The following SLC36A1 variants were observed in gnomAD, a reference collection of about 807,000 sequenced individuals.
The protein encoded by SLC36A1 is proton-coupled amino acid transporter 1.
A neutral mutation model predicts 47.5 loss-of-function variants in SLC36A1; 30 were observed. That is an observed-to-expected ratio of 0.63 (90% CI 0.47 to 0.86). The LOEUF (loss-of-function observed/expected upper bound fraction) is 0.86. Among genes scored for constraint, SLC36A1 ranks in the 40% least tolerant of loss-of-function variants. The probability of loss-of-function intolerance (pLI) is 0.00; values close to 1 mark genes in which losing one functional copy is unlikely to be tolerated. For synonymous variants in SLC36A1, 255 were observed against 249.7 expected (o/e 1.02, Z -0.20); for missense variants, 517 against 606.0 (o/e 0.85, Z 1.54).
At chr5:151,470,809 C>G (rs1449028636) in intron 7 of SLC36A1, 1 of 152,122 alleles carries the variant, frequency 6.6e-6, no homozygotes, top group Non-Finnish European at 1.5e-5. Context: ...TCCTCTTGCC[C>G]CTCATGCACG....
intron 8 of SLC36A1, among the ~76,000 whole-genome samples, chr5:151,474,255 A>G (rs903342652): frequency 1.3e-5 from 2 of 151,896 alleles, no homozygotes; most frequent in African/African-American, 4.8e-5. Context: ...CCCAGCTTCA[A>G]CTTTTCAAGA....
the SLC36A1 span, chr5:151,540,554 G>T: frequency 1.1e-5 from 17 of 1,593,886 alleles, no homozygotes; most frequent in African/African-American, 1.3e-5. Flanking sequence ...TCCACCCCTC[G>T]CCAGGCTCTC....
At chr5:151,460,872 C>T (rs888901988) in intron 2 of SLC36A1, among the ~76,000 whole-genome samples, 2 of 150,296 alleles carry the variant, frequency 1.3e-5, no homozygotes, top group African/African-American at 2.5e-5. Flanking sequence ...ACTTCTACAC[C>T]TACTGCACAT....
chr5:151,479,646 C>T (rs1020083012), intron 10 of SLC36A1, 157 bp downstream of exon 10: 2 of 697,520 alleles, frequency 2.9e-6, no homozygotes, highest in African/African-American at 1.8e-5. Context: ...TGAGGCACCT[C>T]CAGATGGGGA....
the SLC36A1 span, chr5:151,532,042 A>T: frequency 8.9e-6 from 14 of 1,565,088 alleles, no homozygotes; most frequent in African/African-American, 1.8e-4. Context: ...CAAACCCTGC[A>T]GCCACAGGAG....
the SLC36A1 span, among the ~76,000 whole-genome samples, chr5:151,385,009 A>AGTGTGTGTGTGTGTGT: frequency 4.3e-4 from 55 of 128,512 alleles, no homozygotes; most frequent in African/African-American, 1.9e-3. Context: ...AGAGAGAGAG[A>AGTGTGTGTGTGTGTGT]GTGTGTGTGT....
the SLC36A1 span, among the ~76,000 whole-genome samples, chr5:151,533,098 A>G: frequency 3.9e-5 from 6 of 152,270 alleles, no homozygotes; most frequent in South Asian, 2.1e-4. Context: ...TCTAGGAGCT[A>G]TCTAGGAGAT....
chr5:151,512,842 T>G, the SLC36A1 span: 24 of 547,942 alleles, frequency 4.4e-5, no homozygotes, highest in Non-Finnish European at 7.2e-5. This position sits in a 1 kb window ranked among gnomAD's most constrained non-coding sequence, Gnocchi z 4.1. Flanking sequence ...GACATCTCCA[T>G]TCACAGATGA....
intron 10 of SLC36A1, among the ~76,000 whole-genome samples, chr5:151,485,657 C>T (rs1759413505): frequency 6.6e-6 from 1 of 152,160 alleles, no homozygotes; most frequent in South Asian, 2.1e-4. Context: ...TCGTTTACAC[C>T]CTCTGGGCCT....
At chr5:151,456,446 A>G (rs1754517039) in intron 1 of SLC36A1, among the ~76,000 whole-genome samples, 1 of 152,240 alleles carries the variant, frequency 6.6e-6, no homozygotes, top group African/African-American at 2.4e-5. Flanking sequence ...CTGTTGACAG[A>G]GGTAGGCTTG....
At chr5:151,387,266 C>T in the SLC36A1 span, 24 of 152,458 alleles carry the variant, frequency 1.6e-4, no homozygotes, top group African/African-American at 5.8e-4. Context: ...GAAAGATCCA[C>T]GCACAGACAC....
chr5:151,467,907 C>T lies in SLC36A1; in HGVS notation c.705C>T (p.Ile235=). 1 of 1,613,664 alleles carries T rather than the reference C, an allele frequency of 6.2e-7. No individual in the cohort carries two copies. The highest frequency in any genetic ancestry group is 8.5e-7 in the Non-Finnish European group (1 of 1,179,864). The change falls in exon 7 of 11, where the codon ATC becomes ATT. Residue 235 remains isoleucine, a synonymous_variant. Coordinates refer to ENST00000243389, the MANE Select transcript of SLC36A1 (RefSeq NM_078483.4). The part of the protein sequence containing the change: ...NITMLVSLVM[I]YQFIVQRIPD... ...CCATGCTGGTCAGCTTGGTCATGATCTACCAGTTCATTGTTCAGGTACATG... is the reference window on the plus strand; with the variant it reads ...CCATGCTGGTCAGCTTGGTCATGATTTACCAGTTCATTGTTCAGGTACATG...
the SLC36A1 span, among the ~76,000 whole-genome samples, chr5:151,520,427 T>C: frequency 1.3e-5 from 2 of 152,208 alleles, no homozygotes; most frequent in African/African-American, 4.8e-5. Flanking sequence ...ATATCTCAGT[T>C]CCAACTGCAG....
the SLC36A1 span, among the ~76,000 whole-genome samples, chr5:151,520,582 C>A: frequency 6.6e-6 from 1 of 152,174 alleles, no homozygotes; most frequent in Non-Finnish European, 1.5e-5. Context: ...TTATTGTGGG[C>A]CAGCCATGGG....
At chr5:151,352,382 C>T in the SLC36A1 span, among the ~76,000 whole-genome samples, 3 of 152,150 alleles carry the variant, frequency 2.0e-5, no homozygotes. Flanking sequence ...GGTAGGCTCT[C>T]AAAAAATATT....
At position 151,479,449 on chromosome 5, in the gene SLC36A1, G is replaced by T. The variant is rs1353722815; in HGVS notation, c.1119G>T (p.Val373=). 2.5e-6 allele frequency: 4 copies of T among 1,614,066 alleles called. No individual in the cohort carries two copies. The highest frequency in any genetic ancestry group is 3.4e-6 in the Non-Finnish European group (4 of 1,180,046). The change falls in exon 10 of 11, where the codon GTG becomes GTT. Residue 373 remains valine (V), a synonymous_variant. Transcript: ENST00000243389. ...GAGCGCCCGAGCACTGTGAGTTAGTGGTGGACCTGTTTGTGCGCACAGTGC... is the reference window on the plus strand; with the variant it reads ...GAGCGCCCGAGCACTGTGAGTTAGTTGTGGACCTGTTTGTGCGCACAGTGC... ...VSRAPEHCEL[V]VDLFVRTVLV...
In SLC36A1 at chr5:151,487,948, G is replaced by A. The variant is rs187363648; in HGVS notation, c.1160-35G>A. ...GGGAGACAGACCTTTCCCAGCTCTG[G>A]GCATCTTAAACAGGCATGTCCTCTC... On this transcript the variant is annotated intron_variant, in intron 10 of 10. Transcript: ENST00000243389. The A allele has an allele frequency of 1.3e-4, 215 of 1,610,566 alleles. 1 individual carries two copies. The African/African-American group carries it at 2.7e-3, about 20-fold the overall frequency.
the SLC36A1 span, among the ~76,000 whole-genome samples, chr5:151,537,622 A>C: frequency 6.6e-6 from 1 of 152,256 alleles, no homozygotes; most frequent in Non-Finnish European, 1.5e-5. Context: ...ATCTTGTCTT[A>C]TCAATCTATT....
At chr5:151,425,503 C>T in the SLC36A1 span, 2 of 152,192 alleles carry the variant, frequency 1.3e-5, no homozygotes, top group East Asian at 3.8e-4. Flanking sequence ...CTTGCAAATA[C>T]CCAGTGTAGA....
Sources: allele counts gnomAD v4.1 joint callset (sites outside exome capture counted in the v4.1 genomes callset), GRCh38; gene constraint gnomAD v4.1.1; non-coding constraint Gnocchi (gnomAD v3.1); transcripts MANE v1.5; gene names NCBI Gene and HGNC (gene_info 2026-07-23, HGNC 2026-07-21).